FBXO32: variants seen among roughly 807,000 people sequenced by gnomAD.
The protein encoded by FBXO32 is F-box only protein 32.
FBXO32 carries 15 observed loss-of-function variants against 48.3 expected under a neutral mutation model. That is an observed-to-expected ratio of 0.31 (90% CI 0.21 to 0.48). The LOEUF is 0.48. FBXO32 is among the 20% of genes least tolerant of loss of function. The pLI, the probability that FBXO32 is intolerant of heterozygous loss-of-function variation, is 0.99. For missense variants in FBXO32, 309 were observed against 432.7 expected, an observed-to-expected ratio of 0.71 and a Z score of 2.54; for synonymous variants, 154 against 165.9, an observed-to-expected ratio of 0.93 and a Z score of 0.55.
chr8:123,539,152 G>C (rs932530749), intron 1 of FBXO32, among the ~76,000 whole-genome samples: 1 of 151,984 alleles, frequency 6.6e-6, no homozygotes, highest in African/African-American at 2.4e-5. Flanking sequence ...GTATTAATAC[G>C]ACCCTACATT....
At position 123,499,042 on chromosome 8, in the gene FBXO32, G is replaced by A. The variant is rs769370992; in HGVS notation, c.*4331C>T. On this transcript the variant is annotated 3_prime_UTR_variant, in exon 9 of 9. Transcript: ENST00000517956. ...TGTGTTTCCAGCCACACCAAAAGGT[G>A]CTTGGGGTGGAGGGCTGGGGGCATA... The A allele has an allele frequency of 5.9e-5, 9 of 152,264 alleles. No individual in the cohort carries two copies. The highest frequency in any genetic ancestry group is 1.2e-4 in the Non-Finnish European group (8 of 68,066). 9.4% of individuals were successfully genotyped at this position (152,264 alleles called of 1,614,324 possible).
chr8:123,518,943 T>G (rs918348140), intron 4 of FBXO32, among the ~76,000 whole-genome samples: 1 of 152,146 alleles, frequency 6.6e-6, no homozygotes, highest in African/African-American at 2.4e-5. Context: ...CACCTCAGCC[T>G]CCCAAGTAGC....
chr8:123,528,941 T>A (rs1265829301), intron 4 of FBXO32, among the ~76,000 whole-genome samples: 6 of 152,162 alleles, frequency 3.9e-5, no homozygotes, highest in Admixed American at 3.9e-4. Context: ...AGTAGTACGA[T>A]GGGGATAATA....
rs369814298 is a variant in FBXO32, at chr8:123,541,183, A to G, written c.-169T>C. On this transcript the variant is annotated 5_prime_UTR_variant, in exon 1 of 9. Coordinates refer to ENST00000517956, the MANE Select transcript of FBXO32 (RefSeq NM_058229.4). The stretch of plus-strand genomic sequence containing the variant: ...GGTGGCGGGCGCGGAGAGGATCTCA[A>G]GCGTTGCAGGCTCCGGGAGTGCTGC... 9.9e-5 allele frequency: 38 copies of G among 383,874 alleles called. 1 individual carries two copies. The highest frequency in any genetic ancestry group is 9.0e-4 in the East Asian group (22 of 24,450). The allele number at this position is 383,874 out of a possible 1,614,324, so 23.8% of individuals were successfully genotyped here.
rs750524631 is a variant in FBXO32, at chr8:123,534,828, A to T, written c.117-14T>A. On this transcript the variant is annotated splice_polypyrimidine_tract_variant and intron_variant, in intron 1 of 8. Transcript: ENST00000517956. The stretch of plus-strand genomic sequence containing the variant: ...TTGTTGCAGTAACTATGAATAACAG[A>T]AGACAAAGAGGATGAGCTGTAACAG... The T allele has an allele frequency of 3.9e-6, 6 of 1,549,044 alleles. No homozygotes were observed. Among genetic ancestry groups the T allele is most frequent in the Admixed American group, 1.7e-5 (1 of 59,762 alleles).
intron 3 of FBXO32, among the ~76,000 whole-genome samples, chr8:123,532,413 C>T (rs1420085637): frequency 2.0e-5 from 3 of 152,234 alleles, no homozygotes; most frequent in African/African-American, 4.8e-5. Context: ...TGTGTCACCA[C>T]CTTGCCTTAT....
At position 123,540,852 on chromosome 8, in the gene FBXO32, C is replaced by T. The variant is rs769030683; in HGVS notation, c.116+47G>A. On this transcript the variant is annotated intron_variant, in intron 1 of 8. Coordinates refer to ENST00000517956, the MANE Select transcript of FBXO32 (RefSeq NM_058229.4). The surrounding 1 kb of genome is among the most constrained non-coding windows in gnomAD (Gnocchi z 6.4). ...CCGTCCCTGCGCCCCCCAGACCAGC[C>T]CGGGTCAGTTTCGCGGGGGCTGGAA... The T allele has an allele frequency of 6.6e-7, 1 of 1,521,516 alleles. No individual in the cohort carries two copies. The highest frequency in any genetic ancestry group is 1.7e-5 in the Admixed American group (1 of 57,926). The allele number at this position is 1,521,516 out of a possible 1,614,324, so 94.3% of individuals were successfully genotyped here. A position where few individuals can be genotyped will look rare whatever the true frequency, so the allele number is the denominator to read the frequency against.
intron 4 of FBXO32, chr8:123,526,998 C>G (rs1817091398): frequency 6.6e-6 from 1 of 152,200 alleles, no homozygotes. Context: ...GTGAGCGTAG[C>G]TGTGTTCCAA....
intron 4 of FBXO32, among the ~76,000 whole-genome samples, chr8:123,530,972 AT>A (rs35151201): frequency 0.36 from 24,479 of 68,948 alleles, 3,621 homozygotes; most frequent in African/African-American, 0.45. Flanking sequence ...ATCCAGTCAG[AT>A]TTTTTTTTTT....
chr8:123,500,740 CCTCT>C lies in FBXO32; in HGVS notation c.*2629_*2632del, dbSNP rs1168806275. On this transcript the variant is annotated 3_prime_UTR_variant, in exon 9 of 9. Transcript: ENST00000517956. ...TGCCATTTCTATTCCTTTCCCCCTC[CCTCT>C]CTACCTGCCATTTCTTTCCTTATTC... 4 of 152,244 alleles carry C rather than the reference CCTCT, an allele frequency of 2.6e-5. No individual in the cohort carries two copies. Among genetic ancestry groups the C allele is most frequent in the Admixed American group, 6.5e-5 (1 of 15,284 alleles). The allele number at this position is 152,244 out of a possible 1,614,324, so 9.4% of individuals were successfully genotyped here. A position where few individuals can be genotyped will look rare whatever the true frequency, so the allele number is the denominator to read the frequency against.
intron 2 of FBXO32, among the ~76,000 whole-genome samples, chr8:123,533,810 C>A (rs1025699768): frequency 2.7e-5 from 4 of 149,344 alleles, no homozygotes; most frequent in African/African-American, 5.0e-5. Context: ...TCCGTCCCCC[C>A]GCAAAAATGA....
chr8:123,500,222 C>G lies in FBXO32; in HGVS notation c.*3151G>C, dbSNP rs906621101. On this transcript the variant is annotated 3_prime_UTR_variant, in exon 9 of 9. Transcript: ENST00000517956. ...CTTGTCCCAAATGCAAGGGTTTACT[C>G]TCAAGAGACTCTAGGCTCACTGCCC... is the stretch of plus-strand genomic sequence containing the variant. The G allele has an allele frequency of 2.0e-5, 3 of 152,058 alleles. No individual in the cohort carries two copies. The highest frequency in any genetic ancestry group is 7.2e-5 in the African/African-American group (3 of 41,390). The allele number at this position is 152,058 out of a possible 1,614,324, so 9.4% of individuals were successfully genotyped here.
intron 4 of FBXO32, among the ~76,000 whole-genome samples, chr8:123,519,937 G>A (rs1012063010): frequency 5.9e-5 from 9 of 152,054 alleles, no homozygotes; most frequent in African/African-American, 1.9e-4. Context: ...ACAGGCACCC[G>A]CCACCACACC....
chr8:123,528,844 TG>T (rs1208446650), intron 4 of FBXO32, among the ~76,000 whole-genome samples: 8 of 152,218 alleles, frequency 5.3e-5, no homozygotes, highest in African/African-American at 1.9e-4. Context: ...TTTTTGTTTT[TG>T]TTTTTTTCCC....
At position 123,525,594 on chromosome 8, in the gene FBXO32, T is replaced by C. The variant is rs1410271694; in HGVS notation, c.372+6304A>G. ...AGGCTCCATTTTGCATTTTGCCCTC[T>C]AAGCAATGCAGTCGAAAGGAGAGAA... is the stretch of plus-strand genomic sequence containing the variant. On this transcript the variant is annotated intron_variant, in intron 4 of 8. Transcript: ENST00000517956. This position sits in a 1 kb window ranked among gnomAD's most constrained non-coding sequence, Gnocchi z 4.3. 6.6e-6 allele frequency among the ~76,000 whole-genome samples: 1 copy of C among 152,234 alleles called. No homozygotes were observed. Among genetic ancestry groups the C allele is most frequent in the African/African-American group, 2.4e-5 (1 of 41,454 alleles).
chr8:123,504,838 C>T, intron 7 of FBXO32, 91 bp from the exon 8 acceptor site: 2 of 1,260,698 alleles, frequency 1.6e-6, no homozygotes, highest in South Asian at 2.8e-5. Flanking sequence ...TTACTCTCAC[C>T]CTTTCCCCCT....
chr8:123,508,092 A>G (rs899865973), intron 6 of FBXO32, among the ~76,000 whole-genome samples: 1 of 152,114 alleles, frequency 6.6e-6, no homozygotes, highest in Non-Finnish European at 1.5e-5. Flanking sequence ...TGGACTACTC[A>G]CATTTTTCCA....
chr8:123,526,971 T>C (rs761723035), intron 4 of FBXO32: 7 of 152,208 alleles, frequency 4.6e-5, no homozygotes, highest in Non-Finnish European at 1.0e-4. Flanking sequence ...AAAACAGCCA[T>C]AGACAATATC....
chr8:123,517,300 G>A (rs944375082), intron 4 of FBXO32, among the ~76,000 whole-genome samples: 11 of 152,166 alleles, frequency 7.2e-5, no homozygotes, highest in South Asian at 2.1e-4. Context: ...CAATCACAAG[G>A]ACAAGTAAAC....
Sources: allele counts gnomAD v4.1 joint callset (sites outside exome capture counted in the v4.1 genomes callset), GRCh38; gene constraint gnomAD v4.1.1; non-coding constraint Gnocchi (gnomAD v3.1); transcripts MANE v1.5; gene names NCBI Gene and HGNC (gene_info 2026-07-23, HGNC 2026-07-21).